The following NRXN3 variants were observed in gnomAD, a reference collection of about 807,000 sequenced individuals.
NRXN3 encodes the protein neurexin III.
A neutral mutation model predicts 137.6 loss-of-function variants in NRXN3; 32 were observed. That is an observed-to-expected ratio of 0.23 (90% confidence interval 0.18 to 0.31). NRXN3 has a LOEUF of 0.31. Ranked by LOEUF, NRXN3 falls within the 10% of genes least tolerant of loss-of-function variation. NRXN3 has a pLI of 1.00. For missense variants in NRXN3, 1,574 were observed against 2,062.5 expected, an observed-to-expected ratio of 0.76 and a Z score of 4.59; for synonymous variants, 798 against 784.5, an observed-to-expected ratio of 1.02 and a Z score of -0.29.
chr14:79,291,805 A>C (rs558083955), intron 15 of NRXN3, among the ~76,000 whole-genome samples: 14 of 152,018 alleles, frequency 9.2e-5, no homozygotes, highest in African/African-American at 3.1e-4. Context: ...AAAAAATTTC[A>C]AAGTGGTATT....
At chr14:79,471,114 C>T (rs2096501301) in intron 16 of NRXN3, among the ~76,000 whole-genome samples, 1 of 151,870 alleles carries the variant, frequency 6.6e-6, no homozygotes, top group Non-Finnish European at 1.5e-5. Context: ...GGAATATTTC[C>T]TTTTTACCCC....
intron 14 of NRXN3, among the ~76,000 whole-genome samples, chr14:78,978,714 T>C (rs1470110095): frequency 6.8e-6 from 1 of 148,120 alleles, no homozygotes; most frequent in Non-Finnish European, 1.5e-5. Flanking sequence ...GCATCTTATA[T>C]ATAATATATA....
At position 79,528,036 on chromosome 14, in the gene NRXN3, G is replaced by A. The variant is rs566773932; in HGVS notation, c.3444+60634G>A. Reference sequence around the variant, plus strand: ...AGCAATTGCTATAGTCTCCCTAGTAGGGGATTTAGGAGACAGATGAAAAAC... The same window carrying A: ...AGCAATTGCTATAGTCTCCCTAGTAAGGGATTTAGGAGACAGATGAAAAAC... On this transcript the variant is annotated intron_variant, in intron 16 of 20. Coordinates refer to ENST00000335750, the MANE Select transcript of NRXN3 (RefSeq NM_001330195.2). Among the ~76,000 whole-genome samples, 4 of 152,200 alleles carry A rather than the reference G, an allele frequency of 2.6e-5. No homozygotes were observed. In the South Asian group the frequency reaches 8.3e-4, roughly 32 times the overall value.
At chr14:78,579,617 G>T (rs1249737981) in intron 4 of NRXN3, among the ~76,000 whole-genome samples, 2 of 152,058 alleles carry the variant, frequency 1.3e-5, no homozygotes, top group African/African-American at 4.8e-5. Flanking sequence ...TTGCAGTGAG[G>T]CCTTCTCATC....
chr14:78,773,316 T>G (rs1474796385), intron 8 of NRXN3, among the ~76,000 whole-genome samples: 3 of 152,154 alleles, frequency 2.0e-5, no homozygotes, highest in Admixed American at 6.5e-5. Context: ...CTATTGATAT[T>G]GAATGTGGCA....
chr14:79,678,873 A>T (rs541444072), intron 17 of NRXN3, among the ~76,000 whole-genome samples: 1 of 152,208 alleles, frequency 6.6e-6, no homozygotes, highest in East Asian at 1.9e-4. Flanking sequence ...GAAGGAGTGA[A>T]ATTCAAAGGA....
At chr14:78,353,933 A>G (rs1052587890) in intron 4 of NRXN3, among the ~76,000 whole-genome samples, 7 of 152,216 alleles carry the variant, frequency 4.6e-5, no homozygotes, top group African/African-American at 1.7e-4. Flanking sequence ...TAAAAAGGCC[A>G]TTCATAAACC....
intron 1 of NRXN3, among the ~76,000 whole-genome samples, chr14:78,180,582 T>G (rs993072742): frequency 3.3e-5 from 5 of 152,214 alleles, no homozygotes; most frequent in African/African-American, 1.2e-4. Context: ...GGAGCTGGAA[T>G]AAATTTCTGT....
At chr14:78,941,352 G>C (rs1294506605) in intron 10 of NRXN3, among the ~76,000 whole-genome samples, 4 of 152,150 alleles carry the variant, frequency 2.6e-5, no homozygotes, top group Non-Finnish European at 5.9e-5. Context: ...CCCTCCTCCA[G>C]TGGCATGATC....
At chr14:79,094,622 A>C (rs540789319) in intron 15 of NRXN3, among the ~76,000 whole-genome samples, 1 of 152,158 alleles carries the variant, frequency 6.6e-6, no homozygotes, top group African/African-American at 2.4e-5. Flanking sequence ...AGTCTGTTCA[A>C]TATATTTGTA....
chr14:79,556,115 G>C (rs2097427296), intron 16 of NRXN3, among the ~76,000 whole-genome samples: 1 of 152,144 alleles, frequency 6.6e-6, no homozygotes, highest in Non-Finnish European at 1.5e-5. Context: ...CATTGCCAAG[G>C]AGGAGAGGAA....
intron 15 of NRXN3, among the ~76,000 whole-genome samples, chr14:79,218,185 C>T (rs2068876851): frequency 3.9e-5 from 6 of 152,144 alleles, no homozygotes; most frequent in Admixed American, 3.9e-4. Context: ...ATAGTTTGCA[C>T]CCGAAAGCGT....
chr14:79,085,351 A>G (rs2047903058), intron 15 of NRXN3, among the ~76,000 whole-genome samples: 1 of 152,180 alleles, frequency 6.6e-6, no homozygotes, highest in Non-Finnish European at 1.5e-5. Flanking sequence ...ATAACAGTTC[A>G]TTTATTTCAT....
At chr14:78,685,990 A>G (rs2098122605) in intron 6 of NRXN3, among the ~76,000 whole-genome samples, 1 of 151,832 alleles carries the variant, frequency 6.6e-6, no homozygotes, top group Non-Finnish European at 1.5e-5. Context: ...CCCTGTACAA[A>G]TAAAAACAAG....
chr14:79,697,508 A>G (rs2154029351), intron 18 of NRXN3, 122 bp from the exon 19 acceptor site: 1 of 988,266 alleles, frequency 1.0e-6, no homozygotes, highest in East Asian at 2.5e-5. Context: ...TTTGTTGTCT[A>G]TTTTTTCCTC....
chr14:78,300,769 A>T (rs1030400794), intron 4 of NRXN3: 2 of 952,410 alleles, frequency 2.1e-6, no homozygotes, highest in Non-Finnish European at 3.2e-6. Flanking sequence ...AGGATTGTCG[A>T]TTCTGAATAC....
intron 16 of NRXN3, among the ~76,000 whole-genome samples, chr14:79,659,584 T>C (rs2098523167): frequency 6.6e-6 from 1 of 152,148 alleles, no homozygotes; most frequent in African/African-American, 2.4e-5. Context: ...TCAGTTACAC[T>C]AATGAGGAGA....
chr14:79,842,934 G>T (rs1044163980), intron 20 of NRXN3, among the ~76,000 whole-genome samples: 1 of 151,872 alleles, frequency 6.6e-6, no homozygotes, highest in Non-Finnish European at 1.5e-5. Flanking sequence ...ATCTCTGTGG[G>T]TATTAGACAT....
chr14:79,377,891 G>A (rs572343761), intron 15 of NRXN3, among the ~76,000 whole-genome samples: 15 of 152,204 alleles, frequency 9.9e-5, no homozygotes, highest in African/African-American at 3.4e-4. Context: ...AAGAAGTGGG[G>A]TGTTGAAAGG....
Sources: gnomAD v4.1 joint callset for allele counts (sites outside exome capture counted in the v4.1 genomes callset) on GRCh38, gnomAD v4.1.1 for gene constraint, MANE v1.5 for transcripts, NCBI Gene and HGNC (gene_info 2026-07-23, HGNC 2026-07-21) for gene names.